ANKMY2: variants seen among roughly 807,000 people sequenced by gnomAD.
ANKMY2 encodes the protein ankyrin repeat and MYND domain containing 2.
ANKMY2 carries 36 observed loss-of-function variants against 50.4 expected under a neutral mutation model. The observed-to-expected ratio is 0.71, with a 90% confidence interval of 0.55 to 0.94. ANKMY2 has a LOEUF of 0.94. Ranked by LOEUF, ANKMY2 falls within the 40% of genes least tolerant of loss-of-function variation. The pLI, the probability that ANKMY2 is intolerant of heterozygous loss-of-function variation, is 0.00. For synonymous variants in ANKMY2, 187 were observed against 178.8 expected (o/e 1.05, Z -0.36); for missense variants, 565 against 524.0 (o/e 1.08, Z -0.76).
chr7:16,604,050 A>G (rs927081009), intron 8 of ANKMY2, among the ~76,000 whole-genome samples: 4 of 152,254 alleles, frequency 2.6e-5, no homozygotes, highest in African/African-American at 7.2e-5. Context: ...AAACAAGATG[A>G]AGCTGAAGAA....
intron 3 of ANKMY2, among the ~76,000 whole-genome samples, 189 bp downstream of exon 3, chr7:16,626,847 GAAAC>G (rs1781513740): frequency 6.6e-6 from 1 of 152,080 alleles, no homozygotes; most frequent in South Asian, 2.1e-4. Context: ...AATAACAAAA[GAAAC>G]AAATCACCAA....
intron 5 of ANKMY2, among the ~76,000 whole-genome samples, chr7:16,611,521 C>T (rs76776281): frequency 0.012 from 1,776 of 152,216 alleles, 38 homozygotes; most frequent in African/African-American, 0.041. Context: ...CAAAGGACTG[C>T]TGTAAATATC....
In ANKMY2 at chr7:16,599,867, T is replaced by C. The variant is rs185368324; in HGVS notation, c.*894A>G. The C allele has an allele frequency of 6.6e-6, 1 of 152,318 alleles. No homozygotes were observed. The highest frequency in any genetic ancestry group is 2.4e-5 in the African/African-American group (1 of 41,580). The allele number at this position is 152,318 out of a possible 1,614,324, so 9.4% of individuals were successfully genotyped here. On this transcript the variant is annotated 3_prime_UTR_variant, in exon 10 of 10. Coordinates refer to ENST00000306999, the MANE Select transcript of ANKMY2 (RefSeq NM_020319.3). ...CTTCAGACATCACATTCTAGCTCTGTTTAAATACCACATATGCTAAAAACC... is the reference window on the plus strand; with the variant it reads ...CTTCAGACATCACATTCTAGCTCTGCTTAAATACCACATATGCTAAAAACC...
intron 4 of ANKMY2, among the ~76,000 whole-genome samples, chr7:16,618,206 G>C (rs935764251): frequency 6.6e-6 from 1 of 152,036 alleles, no homozygotes; most frequent in Non-Finnish European, 1.5e-5. Context: ...GATTACAGGC[G>C]TGAGCCACCA....
chr7:16,630,031 CTAGAAG>C (rs1457478207), intron 2 of ANKMY2, among the ~76,000 whole-genome samples: 4 of 152,002 alleles, frequency 2.6e-5, no homozygotes, highest in African/African-American at 4.8e-5. Flanking sequence ...TGCTAATCTA[CTAGAAG>C]TAGAAGAGAA....
At chr7:16,615,026 T>C (rs1781318747) in intron 5 of ANKMY2, among the ~76,000 whole-genome samples, 2 of 152,164 alleles carry the variant, frequency 1.3e-5, no homozygotes, top group South Asian at 4.1e-4. Flanking sequence ...TGGAAGACAA[T>C]AGCAGTGAAA....
chr7:16,631,385 C>T (rs748814800), intron 2 of ANKMY2, among the ~76,000 whole-genome samples: 5 of 152,124 alleles, frequency 3.3e-5, no homozygotes, highest in East Asian at 1.9e-4. Context: ...AAACTTCTTA[C>T]TATTTGGCAT....
At chr7:16,615,112 T>C (rs1327210111) in intron 5 of ANKMY2, among the ~76,000 whole-genome samples, 1 of 152,360 alleles carries the variant, frequency 6.6e-6, no homozygotes, top group Admixed American at 6.5e-5. Flanking sequence ...TTTGAAAATC[T>C]GATTTGATGA....
chr7:16,604,800 T>C lies in ANKMY2; in HGVS notation c.932A>G (p.Gln311Arg). Reference protein sequence around the residue: ...FSVLTQAITGQVGFVDVEFCT... With the variant: ...FSVLTQAITGRVGFVDVEFCT... ...AAATTCCACATCCACAAAACCCACC[T>C]GGCCAGTGATGGCTTGGGTAAGGAC... Residue 311 changes from glutamine (Q) to arginine (R), a missense_variant, in exon 8 of 10, where the codon CAG becomes CGG. By Grantham distance (43) the Gln-to-Arg change is conservative (BLOSUM62 1). Coordinates refer to ENST00000306999, the MANE Select transcript of ANKMY2 (RefSeq NM_020319.3). The C allele has an allele frequency of 6.2e-7, 1 of 1,614,062 alleles. No individual in the cohort carries two copies. The highest frequency in any genetic ancestry group is 8.5e-7 in the Non-Finnish European group (1 of 1,179,964).
intron 9 of ANKMY2, 142 bp from the exon 10 acceptor site, chr7:16,601,087 A>G (rs1781053600): frequency 1.6e-6 from 1 of 613,644 alleles, no homozygotes; most frequent in Non-Finnish European, 2.4e-6. Context: ...GTTATTTTAC[A>G]AATGAGAAAA....
intron 4 of ANKMY2, among the ~76,000 whole-genome samples, chr7:16,621,715 T>G (rs1781437886): frequency 6.6e-6 from 1 of 152,104 alleles, no homozygotes; most frequent in South Asian, 2.1e-4. Flanking sequence ...GGTTCATGCC[T>G]GTAATCCTAA....
At chr7:16,626,237 C>T (rs1057337072) in intron 3 of ANKMY2, among the ~76,000 whole-genome samples, 1 of 152,058 alleles carries the variant, frequency 6.6e-6, no homozygotes, top group East Asian at 1.9e-4. Flanking sequence ...GCCTTGGCCT[C>T]CCAAAGTGCT....
chr7:16,608,750 C>G (rs1781198928), intron 7 of ANKMY2, among the ~76,000 whole-genome samples: 1 of 152,040 alleles, frequency 6.6e-6, no homozygotes, highest in Non-Finnish European at 1.5e-5. Context: ...GCCTGTAATC[C>G]CAGCACTTTG....
chr7:16,627,706 G>C (rs1377293308), intron 2 of ANKMY2, among the ~76,000 whole-genome samples: 2 of 151,984 alleles, frequency 1.3e-5, no homozygotes, highest in Admixed American at 1.3e-4. Context: ...TATTACAGTG[G>C]TATCATTTTT....
intron 1 of ANKMY2, among the ~76,000 whole-genome samples, chr7:16,644,323 G>C (rs970788052): frequency 7.9e-5 from 12 of 152,206 alleles, no homozygotes. Flanking sequence ...ACACATCATT[G>C]ATAGATATAG....
chr7:16,619,652 A>C (rs1781405843), intron 4 of ANKMY2, among the ~76,000 whole-genome samples: 1 of 152,112 alleles, frequency 6.6e-6, no homozygotes, highest in Admixed American at 6.5e-5. Flanking sequence ...GAAATTCTTA[A>C]ATATTTTACT....
At chr7:16,604,593 T>G in intron 8 of ANKMY2, 128 bp downstream of exon 8, 1 of 1,240,138 alleles carries the variant, frequency 8.1e-7, no homozygotes, top group Non-Finnish European at 1.1e-6. Context: ...AAGTATTAAA[T>G]AGAATATTTT....
chr7:16,605,857 G>T (rs1421420780), intron 7 of ANKMY2, among the ~76,000 whole-genome samples: 4 of 151,092 alleles, frequency 2.6e-5, no homozygotes, highest in Non-Finnish European at 5.9e-5. Context: ...TAATTTTTTT[G>T]TATTTTTAGT....
chr7:16,603,572 C>T (rs1269109525), intron 8 of ANKMY2: 5 of 470,524 alleles, frequency 1.1e-5, no homozygotes, highest in African/African-American at 2.0e-5. Context: ...CTGTGGTAGG[C>T]CCTTATACAT....
Sources: allele counts gnomAD v4.1 joint callset (sites outside exome capture counted in the v4.1 genomes callset), GRCh38; gene constraint gnomAD v4.1.1; transcripts MANE v1.5; gene names NCBI Gene and HGNC (gene_info 2026-07-23, HGNC 2026-07-21).